Variants in THAP6 observed in about 807,000 individuals in gnomAD.
The protein encoded by THAP6 is THAP domain-containing protein 6.
In THAP6, 13 loss-of-function variants were observed where a neutral mutation model predicts 20.0. That is an observed-to-expected ratio of 0.65 (90% CI 0.42 to 1.03). THAP6 has a LOEUF of 1.03. Ranked by LOEUF, THAP6 falls within the 50% of genes least tolerant of loss-of-function variation. THAP6 has a pLI of 0.00. For missense variants in THAP6, 262 were observed against 261.6 expected (o/e 1.00, Z -0.01); for synonymous variants, 93 against 92.2 (o/e 1.01, Z -0.05).
At chr4:75,525,605 CT>C (rs1726314815) in intron 4 of THAP6, among the ~76,000 whole-genome samples, 1 of 152,116 alleles carries the variant, frequency 6.6e-6, no homozygotes, top group Non-Finnish European at 1.5e-5. Context: ...TGATTTATCT[CT>C]TATTATGACT....
intron 3 of THAP6, among the ~76,000 whole-genome samples, chr4:75,519,520 TTCCTGTG>T (rs1215731210): frequency 3.0e-5 from 4 of 135,464 alleles, no homozygotes; most frequent in African/African-American, 1.1e-4. Context: ...GATATTCCCC[TTCCTGTG>T]TCCATGTGAT....
chr4:75,543,538 A>C (rs759286987), intron 3 of THAP6, among the ~76,000 whole-genome samples: 48 of 152,190 alleles, frequency 3.2e-4, no homozygotes, highest in Non-Finnish European at 5.6e-4. Context: ...ACTAGTTCGG[A>C]CTGAGTCTGA....
At chr4:75,542,341 T>C (rs886480195) in intron 2 of THAP6, 6 of 676,562 alleles carry the variant, frequency 8.9e-6, no homozygotes, top group African/African-American at 1.8e-5. Flanking sequence ...TGGGAAGTAT[T>C]GCATGCTCTA....
rs1393554961 is a variant in THAP6 at position 75,527,955 on chromosome 4, C to A, written c.*741C>A. 1.4e-5 allele frequency: 14 copies of A among 985,244 alleles called. No homozygotes were observed. The highest frequency in any genetic ancestry group is 1.7e-5 in the African/African-American group (1 of 57,220). 61.0% of individuals were successfully genotyped at this position (985,244 alleles called of 1,614,324 possible). A position where few individuals can be genotyped will look rare whatever the true frequency, so the allele number is the denominator to read the frequency against. On this transcript the variant is annotated 3_prime_UTR_variant, in exon 5 of 5. Coordinates refer to ENST00000311638, the MANE Select transcript of THAP6 (RefSeq NM_144721.6). ...TTGGTTGCTCTGACAGATCTGAACA[C>A]TTTGCTTCATGACTATTTCGTCATA...
intron 2 of THAP6, among the ~76,000 whole-genome samples, chr4:75,536,435 G>T (rs1726856143): frequency 6.6e-6 from 1 of 152,172 alleles, no homozygotes; most frequent in South Asian, 2.1e-4. Context: ...TTGCACTGCA[G>T]CCTGGGCAAC....
chr4:75,540,048 TC>T, intron 2 of THAP6: 2 of 1,410,598 alleles, frequency 1.4e-6, no homozygotes, highest in South Asian at 2.8e-5. Flanking sequence ...AGGGAAAATT[TC>T]AATCACCATC....
chr4:75,514,387 G>C, upstream of THAP6: 1 of 1,356,438 alleles, frequency 7.4e-7, no homozygotes, highest in South Asian at 1.4e-5. Flanking sequence ...AGCCCCAGCG[G>C]CCACTAGCGA....
upstream of THAP6, chr4:75,514,258 G>A (rs1171727648): frequency 1.9e-6 from 3 of 1,612,662 alleles, no homozygotes; most frequent in East Asian, 2.2e-5. Context: ...TTGACCGCTG[G>A]CGCCATCTTC....
Position 75,527,449 on chromosome 4 carries a change from C to A in THAP6, c.*235C>A. ...TTATAGACCTACACTAGTGCCAGGT[C>A]ACTATTGTAAGATGTTAAAATCTCA... On this transcript the variant is annotated 3_prime_UTR_variant, in exon 5 of 5. Transcript: ENST00000311638. 1 of 1,307,500 alleles carries A rather than the reference C, an allele frequency of 7.6e-7. No homozygotes were observed. Among genetic ancestry groups the A allele is most frequent in the Non-Finnish European group, 9.7e-7 (1 of 1,027,714 alleles). 81.0% of individuals were successfully genotyped at this position (1,307,500 alleles called of 1,614,324 possible).
intron 3 of THAP6, among the ~76,000 whole-genome samples, chr4:75,546,263 G>A (rs762305599): frequency 3.3e-5 from 5 of 152,126 alleles, no homozygotes; most frequent in Admixed American, 6.5e-5. Flanking sequence ...CCAAAATCCC[G>A]ATGTTCAGCC....
chr4:75,543,120 T>C (rs779040834), intron 3 of THAP6: 1 of 152,328 alleles, frequency 6.6e-6, no homozygotes, highest in Non-Finnish European at 1.5e-5. Flanking sequence ...TGATAAAAGA[T>C]TGGTCCTGAT....
chr4:75,522,582 C>T (rs556373229), intron 4 of THAP6: 2 of 152,084 alleles, frequency 1.3e-5, no homozygotes, highest in Admixed American at 6.6e-5. Flanking sequence ...CCACCTCCCC[C>T]CCATCCTACT....
intron 2 of THAP6, among the ~76,000 whole-genome samples, chr4:75,541,869 T>C (rs560914310): frequency 6.6e-6 from 1 of 151,082 alleles, no homozygotes; most frequent in South Asian, 2.1e-4. Context: ...GGCAGGAGAA[T>C]CGCTTGAGCG....
intron 2 of THAP6, among the ~76,000 whole-genome samples, chr4:75,538,388 A>G (rs1313111284): frequency 6.6e-6 from 1 of 152,110 alleles, no homozygotes; most frequent in African/African-American, 2.4e-5. Flanking sequence ...TATTGTGAAA[A>G]AAAAAAAAAA....
In THAP6 at chr4:75,515,479, A is replaced by T; in HGVS notation, c.27A>T (p.Gly9=). The T allele has an allele frequency of 6.2e-7, 1 of 1,613,972 alleles. No individual in the cohort carries two copies. The highest frequency in any genetic ancestry group is 8.5e-7 in the Non-Finnish European group (1 of 1,179,884). MVKCCSAI[G]CASRCLPNSK... is the part of the protein sequence containing the mutation. ...TGGTGAAATGCTGCTCCGCCATTGG[A>T]TGTGCTTCTCGCTGCTTGCCAAATT... The change falls in exon 2 of 5, where the codon GGA becomes GGT. Residue 9 remains glycine, a synonymous_variant. Transcript: ENST00000311638.
chr4:75,524,471 C>G (rs1726240015), intron 4 of THAP6, among the ~76,000 whole-genome samples: 1 of 152,174 alleles, frequency 6.6e-6, no homozygotes, highest in Non-Finnish European at 1.5e-5. Context: ...TTTAACATTT[C>G]CTATAGTGCA....
At chr4:75,531,229 G>A (rs1203362383), downstream of THAP6, among the ~76,000 whole-genome samples, 2 of 152,140 alleles carry the variant, frequency 1.3e-5, no homozygotes, top group East Asian at 3.9e-4. Context: ...AGGTAAAGGG[G>A]GGCTGTATGA....
In THAP6 at chr4:75,527,037, TACAAAGGA is replaced by T. The variant is rs1726417900; in HGVS notation, c.494_501del (p.Thr165LysfsTer26). 2 of 1,613,904 alleles carry T rather than the reference TACAAAGGA, an allele frequency of 1.2e-6. No individual in the cohort carries two copies. The highest frequency in any genetic ancestry group is 2.7e-5 in the African/African-American group (2 of 74,902). On this transcript the variant is annotated frameshift_variant, in exon 5 of 5. Coordinates refer to ENST00000311638, the MANE Select transcript of THAP6 (RefSeq NM_144721.6). LOFTEE classifies it high-confidence loss of function. Reference sequence around the variant, plus strand: ...ATCATGTGATCGGCGAGCTAGAGGATACAAAGGAAAGTCTACGGAATGTTTTAGACCGA... The same window carrying T: ...ATCATGTGATCGGCGAGCTAGAGGATAAGTCTACGGAATGTTTTAGACCGA...
At chr4:75,540,738 A>G (rs1196498769) in intron 2 of THAP6, among the ~76,000 whole-genome samples, 2 of 152,252 alleles carry the variant, frequency 1.3e-5, no homozygotes, top group Non-Finnish European at 2.9e-5. Flanking sequence ...TGTACTCAAC[A>G]TAAAATTTCA....
Sources: gnomAD v4.1 joint callset for allele counts (sites outside exome capture counted in the v4.1 genomes callset) on GRCh38, gnomAD v4.1.1 for gene constraint, MANE v1.5 for transcripts, NCBI Gene and HGNC (gene_info 2026-07-23, HGNC 2026-07-21) for gene names.